CA10: variants seen among roughly 807,000 people sequenced by gnomAD.
CA10 encodes the protein carbonic anhydrase-related protein 10.
Under a neutral mutation model 44.2 loss-of-function variants are expected in CA10, and 14 were observed. The observed-to-expected ratio is 0.32, with a 90% CI of 0.21 to 0.50. CA10 has a LOEUF of 0.50. CA10 is among the 20% of genes least tolerant of loss of function. The pLI is 0.99. For synonymous variants in CA10, 159 were observed against 141.6 expected (o/e 1.12, Z -0.87); for missense variants, 350 against 409.7 (o/e 0.85, Z 1.26).
At chr17:52,034,639 C>T (rs1276089152) in intron 2 of CA10, among the ~76,000 whole-genome samples, 1 of 152,086 alleles carries the variant, frequency 6.6e-6, no homozygotes, top group African/African-American at 2.4e-5. Context: ...TCCAGTCCAG[C>T]TCAACCACTT....
intron 3 of CA10, among the ~76,000 whole-genome samples, chr17:51,902,141 C>G (rs1420701808): frequency 6.6e-6 from 1 of 152,082 alleles, no homozygotes. Context: ...AGACGATGTG[C>G]AATTTCATTT....
At chr17:51,857,994 CTCAG>C (rs1429641635) in intron 3 of CA10, among the ~76,000 whole-genome samples, 2 of 152,104 alleles carry the variant, frequency 1.3e-5, no homozygotes, top group Non-Finnish European at 2.9e-5. Flanking sequence ...GGAAAAGGGG[CTCAG>C]TCAACTTCAT....
At chr17:51,913,996 A>G (rs1008724378) in intron 3 of CA10, among the ~76,000 whole-genome samples, 1 of 152,138 alleles carries the variant, frequency 6.6e-6, no homozygotes, top group African/African-American at 2.4e-5. Flanking sequence ...CTGTTAAATT[A>G]TGCACATCAT....
chr17:51,713,384 C>T (rs1399965417), intron 4 of CA10, among the ~76,000 whole-genome samples: 1 of 152,152 alleles, frequency 6.6e-6, no homozygotes, highest in African/African-American at 2.4e-5. Context: ...TCCAAATATG[C>T]ATTAACTGAA....
At chr17:51,646,313 T>C (rs964025257) in intron 6 of CA10, among the ~76,000 whole-genome samples, 3 of 152,164 alleles carry the variant, frequency 2.0e-5, no homozygotes, top group Non-Finnish European at 2.9e-5. Context: ...CCTTGGTGTG[T>C]GGAAAGTGCT....
chr17:51,981,842 G>A (rs1437908625), intron 2 of CA10, among the ~76,000 whole-genome samples: 3 of 152,008 alleles, frequency 2.0e-5, no homozygotes, highest in African/African-American at 7.2e-5. Context: ...ACACTGGGAA[G>A]ATACTGCATA....
At chr17:52,097,385 T>TA (rs1192404393) in intron 1 of CA10, among the ~76,000 whole-genome samples, 1 of 152,224 alleles carries the variant, frequency 6.6e-6, no homozygotes, top group Non-Finnish European at 1.5e-5. Flanking sequence ...CAGTCTTGTT[T>TA]ATATATTTTG....
intron 3 of CA10, among the ~76,000 whole-genome samples, chr17:51,780,824 A>G (rs1906028193): frequency 6.6e-6 from 1 of 152,202 alleles, no homozygotes. Flanking sequence ...TTCGAATTCT[A>G]AAGCAAGTGT....
intron 3 of CA10, among the ~76,000 whole-genome samples, chr17:51,929,454 C>A (rs1339401134): frequency 6.6e-6 from 1 of 152,124 alleles, no homozygotes; most frequent in African/African-American, 2.4e-5. Context: ...ATCTTGCAAG[C>A]CTCTCTTCGC....
intron 5 of CA10, among the ~76,000 whole-genome samples, chr17:51,652,621 G>T (rs767456845): frequency 2.0e-5 from 3 of 152,220 alleles, no homozygotes; most frequent in Non-Finnish European, 4.4e-5. Flanking sequence ...AGGGGGCATG[G>T]CATGGATGAC....
chr17:51,828,430 C>T (rs1908112366), intron 3 of CA10, among the ~76,000 whole-genome samples: 1 of 152,126 alleles, frequency 6.6e-6, no homozygotes, highest in African/African-American at 2.4e-5. Context: ...TGTTGATCTT[C>T]CTCCTCTGAC....
intron 2 of CA10, among the ~76,000 whole-genome samples, chr17:52,016,638 T>C (rs913083604): frequency 6.6e-6 from 1 of 152,056 alleles, no homozygotes; most frequent in Non-Finnish European, 1.5e-5. Flanking sequence ...TGGGGCCAGA[T>C]GTGGTGGCTC....
At chr17:51,899,316 G>T (rs1981210251) in intron 3 of CA10, among the ~76,000 whole-genome samples, 1 of 152,002 alleles carries the variant, frequency 6.6e-6, no homozygotes, top group African/African-American at 2.4e-5. Flanking sequence ...TTTAACAAAA[G>T]TCATTCATTC....
intron 3 of CA10, among the ~76,000 whole-genome samples, chr17:51,791,844 G>C (rs531194596): frequency 6.6e-6 from 1 of 152,010 alleles, no homozygotes; most frequent in South Asian, 2.1e-4. Context: ...CAAATTTTTG[G>C]GATTAATCCA....
At chr17:51,935,147 G>C (rs1170549412) in intron 2 of CA10, among the ~76,000 whole-genome samples, 1 of 152,086 alleles carries the variant, frequency 6.6e-6, no homozygotes, top group Non-Finnish European at 1.5e-5. Flanking sequence ...TATCTTTCAG[G>C]TTTATAGACA....
chr17:51,647,250 C>T (rs1913377503), intron 6 of CA10, among the ~76,000 whole-genome samples: 1 of 152,216 alleles, frequency 6.6e-6, no homozygotes. Flanking sequence ...ATTCATCCTT[C>T]TATTCACCCA....
At chr17:51,737,651 G>C (rs917087364) in intron 4 of CA10, among the ~76,000 whole-genome samples, 1 of 152,154 alleles carries the variant, frequency 6.6e-6, no homozygotes, top group Non-Finnish European at 1.5e-5. Context: ...AAGTGGCAGA[G>C]AGGAGTGCTG....
intron 2 of CA10, among the ~76,000 whole-genome samples, chr17:52,053,459 TA>T (rs2143057888): frequency 6.6e-6 from 1 of 152,210 alleles, no homozygotes; most frequent in East Asian, 1.9e-4. Context: ...TGCAAGAATT[TA>T]GCAAACTAAT....
At chr17:52,040,495 G>A (rs971107101) in intron 2 of CA10, among the ~76,000 whole-genome samples, 9 of 152,032 alleles carry the variant, frequency 5.9e-5, no homozygotes, top group Admixed American at 2.6e-4. Flanking sequence ...GAATGACAGG[G>A]ATGAGATTAC....
Sources: gnomAD v4.1 joint callset for allele counts (sites outside exome capture counted in the v4.1 genomes callset) on GRCh38, gnomAD v4.1.1 for gene constraint, MANE v1.5 for transcripts, NCBI Gene and HGNC (gene_info 2026-07-23, HGNC 2026-07-21) for gene names.